The following DSCAML1 variants were observed in gnomAD, a reference collection of about 807,000 sequenced individuals.
DSCAML1 encodes DS cell adhesion molecule like 1.
In DSCAML1, 38 loss-of-function variants were observed where a neutral mutation model predicts 200.5. That is an observed-to-expected ratio of 0.19 (90% confidence interval 0.15 to 0.25). The LOEUF is 0.25. DSCAML1 is among the 10% of genes least tolerant of loss of function. The probability of loss-of-function intolerance (pLI) is 1.00; values close to 1 mark genes in which losing one functional copy is unlikely to be tolerated. For missense variants in DSCAML1, 2,223 were observed against 2,858.8 expected (o/e 0.78, Z 5.07); for synonymous variants, 1,215 against 1,165.0 (o/e 1.04, Z -0.87).
At position 117,437,382 on chromosome 11, in the gene DSCAML1, A is replaced by G. The variant is rs1453672608; in HGVS notation, c.4460T>C (p.Leu1487Pro). The change falls in exon 26 of 33, where the codon CTC (leucine) becomes CCC (proline). Residue 1487 changes from leucine to proline, a missense_variant. Leu to Pro is a moderately conservative substitution (Grantham distance 98). Transcript: ENST00000651296. This position sits in a 1 kb window ranked among gnomAD's most constrained non-coding sequence, Gnocchi z 5.3. The stretch of plus-strand genomic sequence containing the variant: ...ATGCGTGGAGTTGATGTGGGTGAAG[A>G]GGTGTTGGTCTTTGCTGAAGGAGGG... ...REPSFSKDQHLFTHINSTHAR... is the reference protein window; with the variant it reads ...REPSFSKDQHPFTHINSTHAR... The G allele has an allele frequency of 6.2e-7, 1 of 1,613,738 alleles. No homozygotes were observed. The highest frequency in any genetic ancestry group is 1.3e-5 in the African/African-American group (1 of 74,866).
At chr11:117,537,029 C>A (rs1033314577) in intron 3 of DSCAML1, among the ~76,000 whole-genome samples, 10 of 152,204 alleles carry the variant, frequency 6.6e-5, no homozygotes, top group African/African-American at 2.4e-4. Flanking sequence ...ATAATCCATC[C>A]AAGGTCACAC....
At position 117,648,569 on chromosome 11, in the gene DSCAML1, G is replaced by A. The variant is rs2052567909; in HGVS notation, c.512-116047C>T. Reference sequence around the variant, plus strand: ...AGGCTTTGGGGTCAGACTGACCTGTGTGTGTGGCTGTCTCAGCCCTTTCAT... The same window carrying A: ...AGGCTTTGGGGTCAGACTGACCTGTATGTGTGGCTGTCTCAGCCCTTTCAT... On this transcript the variant is annotated intron_variant, in intron 3 of 32. Coordinates refer to ENST00000651296, the MANE Select transcript of DSCAML1 (RefSeq NM_020693.4). Among the ~76,000 whole-genome samples, 3 of 152,352 alleles carry A rather than the reference G, an allele frequency of 2.0e-5. 1 individual carries two copies. In the South Asian group the frequency reaches 6.2e-4, roughly 32 times the overall value.
chr11:117,607,221 G>A (rs1299501094), intron 3 of DSCAML1, among the ~76,000 whole-genome samples: 2 of 152,176 alleles, frequency 1.3e-5, no homozygotes, highest in Admixed American at 6.5e-5. Flanking sequence ...CGGCCTTTTC[G>A]TGCTCTGTGG....
intron 3 of DSCAML1, among the ~76,000 whole-genome samples, chr11:117,674,490 C>T (rs1277728356): frequency 6.6e-6 from 1 of 152,160 alleles, no homozygotes; most frequent in Non-Finnish European, 1.5e-5. Flanking sequence ...TCCCAAATGG[C>T]ATGGGTACCA....
intron 3 of DSCAML1, among the ~76,000 whole-genome samples, chr11:117,732,917 T>C (rs1456073270): frequency 1.3e-5 from 2 of 152,188 alleles, no homozygotes; most frequent in Non-Finnish European, 2.9e-5. Flanking sequence ...AAAAATTATA[T>C]GCTTGAAAAC....
At chr11:117,583,909 C>A (rs2051091083) in intron 3 of DSCAML1, among the ~76,000 whole-genome samples, 1 of 152,222 alleles carries the variant, frequency 6.6e-6, no homozygotes, top group Non-Finnish European at 1.5e-5. Context: ...TGCATTTTAA[C>A]AGGCACAATG....
At chr11:117,603,004 G>A (rs866423020) in intron 3 of DSCAML1, among the ~76,000 whole-genome samples, 1 of 152,208 alleles carries the variant, frequency 6.6e-6, no homozygotes, top group African/African-American at 2.4e-5. Flanking sequence ...GCTGAGGTGG[G>A]AGAATCGTTT....
intron 3 of DSCAML1, among the ~76,000 whole-genome samples, chr11:117,672,702 T>C (rs761980570): frequency 6.6e-6 from 1 of 152,186 alleles, no homozygotes; most frequent in African/African-American, 2.4e-5. Flanking sequence ...TCACTATCAT[T>C]CTGGGTTCTG....
At chr11:117,633,048 A>G (rs868609649) in intron 3 of DSCAML1, among the ~76,000 whole-genome samples, 1 of 152,156 alleles carries the variant, frequency 6.6e-6, no homozygotes, top group Non-Finnish European at 1.5e-5. Context: ...CAACCCTGGG[A>G]CACTGTCACC....
At position 117,458,874 on chromosome 11, in the gene DSCAML1, C is replaced by T. The variant is rs1445315731; in HGVS notation, c.3448G>A (p.Glu1150Lys). 3 of 1,614,064 alleles carry T rather than the reference C, an allele frequency of 1.9e-6. No homozygotes were observed. Among genetic ancestry groups the T allele is most frequent in the Admixed American group, 3.3e-5 (2 of 60,024 alleles). ...GEMQNITTTR[E>K]RVELRGMEKF... Reference sequence around the variant, plus strand: ...TCCATGCCCCGCAGCTCCACCCGCTCCCGCGTGGTGGTGATGTTCTGCATC... The same window carrying T: ...TCCATGCCCCGCAGCTCCACCCGCTTCCGCGTGGTGGTGATGTTCTGCATC... The change falls in exon 19 of 33, where the codon GAG (glutamate) becomes AAG (lysine). Residue 1150 changes from glutamate (E) to lysine (K), a missense_variant. Physicochemically the swap from Glu to Lys is moderately conservative, Grantham distance 56. Around this residue, in one of 7 missense-constraint regions of DSCAML1, gnomAD observed 438 missense variants for 629.7 expected, o/e 0.70. Transcript: ENST00000651296.
chr11:117,674,370 G>A (rs946993099), intron 3 of DSCAML1, among the ~76,000 whole-genome samples: 8 of 152,110 alleles, frequency 5.3e-5, no homozygotes, highest in African/African-American at 1.9e-4. Context: ...CTTTGGACGG[G>A]GGAAGCTGAA....
At chr11:117,790,646 A>G (rs1651554896) in intron 1 of DSCAML1, among the ~76,000 whole-genome samples, 1 of 152,234 alleles carries the variant, frequency 6.6e-6, no homozygotes, top group Non-Finnish European at 1.5e-5. Flanking sequence ...CATTCTGTAT[A>G]CAAAGCACTG....
intron 1 of DSCAML1, among the ~76,000 whole-genome samples, chr11:117,807,914 TG>T (rs1485930850): frequency 2.0e-5 from 3 of 152,120 alleles, no homozygotes; most frequent in Non-Finnish European, 4.4e-5. Flanking sequence ...CTCCACCTCC[TG>T]GGTTCAAATG....
At chr11:117,745,938 G>A (rs1167243018) in intron 3 of DSCAML1, among the ~76,000 whole-genome samples, 1 of 152,136 alleles carries the variant, frequency 6.6e-6, no homozygotes, top group Non-Finnish European at 1.5e-5. Flanking sequence ...GCACAGGCCA[G>A]GCGCGGTGGC....
intron 4 of DSCAML1, among the ~76,000 whole-genome samples, chr11:117,530,695 G>A (rs754423516): frequency 8.3e-4 from 126 of 152,230 alleles, no homozygotes; most frequent in Non-Finnish European, 1.2e-3. Flanking sequence ...ACAAGTGGAA[G>A]TGGTCCTGGA....
intron 17 of DSCAML1, among the ~76,000 whole-genome samples, chr11:117,462,470 C>T (rs530471648): frequency 1.4e-4 from 22 of 152,328 alleles, no homozygotes; most frequent in South Asian, 1.0e-3. Flanking sequence ...AGGGACAAAG[C>T]GCAAGACGGA....
intron 3 of DSCAML1, among the ~76,000 whole-genome samples, chr11:117,743,451 T>C (rs1266721267): frequency 1.3e-5 from 2 of 152,196 alleles, no homozygotes; most frequent in Non-Finnish European, 2.9e-5. Flanking sequence ...GTCCTGCCCA[T>C]GCCTGTGTGC....
rs58985867 is a variant in DSCAML1, at chr11:117,531,242, G to GC, written c.658+1133dup. On this transcript the variant is annotated intron_variant, in intron 4 of 32. Coordinates refer to ENST00000651296, the MANE Select transcript of DSCAML1 (RefSeq NM_020693.4). ...GTCCTGTAGCTGGAAGGACACCGAG[G>GC]CCAGGGGTTCAGAGTTTGAATTCTG... Among the ~76,000 whole-genome samples the GC allele has an allele frequency of 3.0e-3, 457 of 152,238 alleles. 4 individuals carry two copies. Among genetic ancestry groups the GC allele is most frequent in the African/African-American group, 1.0e-2 (414 of 41,546 alleles).
At chr11:117,470,350 C>T (rs367687941) in intron 15 of DSCAML1, among the ~76,000 whole-genome samples, 11 of 151,994 alleles carry the variant, frequency 7.2e-5, no homozygotes, top group South Asian at 2.1e-4. Context: ...CCAAGGCGGG[C>T]GGATCACGAG....
Sources: allele counts gnomAD v4.1 joint callset (sites outside exome capture counted in the v4.1 genomes callset), GRCh38; gene constraint gnomAD v4.1.1; regional missense constraint gnomAD v4.1.1; non-coding constraint Gnocchi (gnomAD v3.1); transcripts MANE v1.5; gene names NCBI Gene and HGNC (gene_info 2026-07-23, HGNC 2026-07-21).